The following TANK variants were observed in gnomAD, a reference collection of about 807,000 sequenced individuals.
TANK encodes TRAF family member associated NFKB activator, also known as TRAF family member-associated NF-kappa-B activator.
Under a neutral mutation model 43.6 loss-of-function variants are expected in TANK, and 15 were observed. The observed-to-expected ratio is 0.34, with a 90% CI of 0.23 to 0.53. The LOEUF (loss-of-function observed/expected upper bound fraction) is 0.53, where lower values mean the gene tolerates loss of function less well. Among genes scored for constraint, TANK ranks in the 20% least tolerant of loss-of-function variants. TANK has a pLI of 0.94. For missense variants in TANK, 417 were observed against 498.6 expected, an observed-to-expected ratio of 0.84 and a Z score of 1.56; for synonymous variants, 162 against 178.2, an observed-to-expected ratio of 0.91 and a Z score of 0.73.
intron 1 of TANK, among the ~76,000 whole-genome samples, chr2:161,138,242 C>G (rs1167889844): frequency 6.6e-6 from 1 of 151,984 alleles, no homozygotes; most frequent in African/African-American, 2.4e-5. Context: ...AATGACAGCT[C>G]AAAAAGATTA....
At chr2:161,146,398 A>C (rs1683910661) in intron 1 of TANK, among the ~76,000 whole-genome samples, 1 of 152,024 alleles carries the variant, frequency 6.6e-6, no homozygotes, top group Non-Finnish European at 1.5e-5. Context: ...GAGAAGAGAC[A>C]CTCTGACCTT....
At chr2:161,207,857 T>C (rs1344921684) in intron 4 of TANK, 1 of 985,154 alleles carries the variant, frequency 1.0e-6, no homozygotes, top group African/African-American at 1.7e-5. Context: ...TGGAAGGCAT[T>C]ATAGAGAAAT....
chr2:161,141,919 A>G (rs932182548), intron 1 of TANK, among the ~76,000 whole-genome samples: 4 of 152,170 alleles, frequency 2.6e-5, no homozygotes, highest in Non-Finnish European at 5.9e-5. Flanking sequence ...GTCTTCCACA[A>G]TAGTTGAACG....
chr2:161,232,613 T>C, intron 7 of TANK: 1 of 1,216,844 alleles, frequency 8.2e-7, no homozygotes, highest in Non-Finnish European at 1.1e-6. Context: ...TGCTACTAAA[T>C]GAAACAAATT....
intron 4 of TANK, chr2:161,219,952 C>T (rs1687270560): frequency 7.9e-6 from 2 of 253,838 alleles, no homozygotes; most frequent in Admixed American, 1.1e-4. Context: ...TTTATATTCC[C>T]TCTACCAATC....
rs1016870248 is a variant in TANK, at chr2:161,232,782, T to C, written c.1101+1231T>C. On this transcript the variant is annotated intron_variant, in intron 7 of 7. Transcript: ENST00000392749. ...TGGCACCCTGCATTGTACATTTGCT[T>C]TCTATACTACAGCAAGGGAAACAGC... The C allele has an allele frequency of 1.9e-6, 3 of 1,550,474 alleles. No homozygotes were observed. In the African/African-American group the frequency reaches 4.1e-5, roughly 21 times the overall value.
chr2:161,173,056 A>G (rs1200584656), intron 1 of TANK, among the ~76,000 whole-genome samples: 1 of 152,146 alleles, frequency 6.6e-6, no homozygotes, highest in Non-Finnish European at 1.5e-5. Context: ...TAAATTTCTT[A>G]GAGTGACATT....
chr2:161,197,352 A>G (rs536414137), intron 2 of TANK: 11 of 152,318 alleles, frequency 7.2e-5, no homozygotes, highest in African/African-American at 1.7e-4. Flanking sequence ...TTTTGATTCA[A>G]TGGAGATACC....
At chr2:161,187,681 T>C (rs560854526) in intron 2 of TANK, among the ~76,000 whole-genome samples, 2 of 152,186 alleles carry the variant, frequency 1.3e-5, no homozygotes, top group South Asian at 4.1e-4. Context: ...AGACAAAAGA[T>C]CTGTATGGAA....
intron 6 of TANK, among the ~76,000 whole-genome samples, chr2:161,225,054 A>G (rs1237452875): frequency 6.6e-6 from 1 of 152,118 alleles, no homozygotes; most frequent in African/African-American, 2.4e-5. Context: ...TATCCCTGAA[A>G]GTTTTCAGTT....
chr2:161,235,611 T>G lies in TANK; in HGVS notation c.*93T>G. 9.4e-7 allele frequency: 1 copy of G among 1,059,244 alleles called. No individual in the cohort carries two copies. The highest frequency in any genetic ancestry group is 1.3e-6 in the Non-Finnish European group (1 of 778,502). 65.6% of individuals were successfully genotyped at this position (1,059,244 alleles called of 1,614,324 possible). ...TGATTGTAAACTAAATTCAAGATCA[T>G]TTATAGGAAAATCTAGTTTCACAGC... On this transcript the variant is annotated 3_prime_UTR_variant, in exon 8 of 8. Transcript: ENST00000392749.
At chr2:161,200,569 A>T in intron 2 of TANK, 3 of 980,542 alleles carry the variant, frequency 3.1e-6, no homozygotes, top group Non-Finnish European at 3.6e-6. Context: ...GCATTTTCTC[A>T]AATTACTACC....
At chr2:161,231,624 T>A in intron 7 of TANK, 73 bp downstream of exon 7, 1 of 1,346,888 alleles carries the variant, frequency 7.4e-7, no homozygotes, top group East Asian at 2.3e-5. Flanking sequence ...CAGATATGCA[T>A]CTCTTTTACG....
At chr2:161,163,443 A>T (rs923505563) in intron 1 of TANK, 4 of 152,122 alleles carry the variant, frequency 2.6e-5, no homozygotes, top group African/African-American at 9.7e-5. Flanking sequence ...GGACAAGGAA[A>T]AATGCTGTAG....
At chr2:161,156,893 T>A (rs1455089680), upstream of TANK, among the ~76,000 whole-genome samples, 1 of 152,154 alleles carries the variant, frequency 6.6e-6, no homozygotes, top group African/African-American at 2.4e-5. Flanking sequence ...TATGAAAAAG[T>A]AAACCCCCAG....
chr2:161,232,821 C>T (rs1281610739), intron 7 of TANK: 1 of 1,550,484 alleles, frequency 6.4e-7, no homozygotes, highest in South Asian at 1.2e-5. Context: ...TATGTGATTA[C>T]AACTTGATGG....
intron 1 of TANK, among the ~76,000 whole-genome samples, chr2:161,175,940 G>A (rs1428539788): frequency 6.6e-6 from 1 of 152,000 alleles, no homozygotes; most frequent in African/African-American, 2.4e-5. Context: ...CTACCTTCAG[G>A]GATTTCAGAA....
intron 1 of TANK, among the ~76,000 whole-genome samples, chr2:161,141,708 AT>A (rs1386352108): frequency 1.3e-5 from 2 of 151,964 alleles, no homozygotes; most frequent in African/African-American, 2.4e-5. Flanking sequence ...ATAAGTACAC[AT>A]TTTCTTTATC....
chr2:161,187,393 C>T (rs1182283362), intron 2 of TANK, among the ~76,000 whole-genome samples: 2 of 152,156 alleles, frequency 1.3e-5, no homozygotes, highest in Non-Finnish European at 2.9e-5. Context: ...TGCACCACTG[C>T]ACTCCAGCCT....
Sources: gnomAD v4.1 joint callset for allele counts (sites outside exome capture counted in the v4.1 genomes callset) on GRCh38, gnomAD v4.1.1 for gene constraint, MANE v1.5 for transcripts, NCBI Gene and HGNC (gene_info 2026-07-23, HGNC 2026-07-21) for gene names.